The following DOK6 variants were observed in gnomAD, a reference collection of about 807,000 sequenced individuals.
DOK6 encodes the protein downstream of tyrosine kinase 6.
Under a neutral mutation model 44.0 loss-of-function variants are expected in DOK6, and 22 were observed. The ratio of observed to expected loss-of-function variants is 0.50; its 90% confidence interval spans 0.36 to 0.71. The LOEUF (loss-of-function observed/expected upper bound fraction) is 0.71, where lower values mean the gene tolerates loss of function less well. DOK6 is among the 30% of genes least tolerant of loss of function. DOK6 has a pLI of 0.00. For synonymous variants in DOK6, 166 were observed against 145.5 expected, an observed-to-expected ratio of 1.14 and a Z score of -1.01; for missense variants, 340 against 416.4, an observed-to-expected ratio of 0.82 and a Z score of 1.60.
intron 2 of DOK6, among the ~76,000 whole-genome samples, chr18:69,588,583 C>T (rs989989033): frequency 5.9e-5 from 9 of 152,096 alleles, no homozygotes; most frequent in African/African-American, 2.2e-4. Flanking sequence ...CTAAACTAAT[C>T]ACAGGCAAGG....
Position 69,739,108 on chromosome 18 carries a change from G to C in DOK6, c.738+5G>C. 6.2e-7 allele frequency: 1 copy of C among 1,613,698 alleles called. No individual in the cohort carries two copies. ...GAAATGGAACAGAAGGCCCGGGTAA[G>C]GCCCCTTCCTTGGTAACCTATCAGC... On this transcript the variant is annotated splice_donor_5th_base_variant and intron_variant, in intron 6 of 7. Coordinates refer to ENST00000382713, the MANE Select transcript of DOK6 (RefSeq NM_152721.6).
At chr18:69,647,060 T>TATCTATCTTTCTATCCC (rs1555719739) in intron 3 of DOK6, among the ~76,000 whole-genome samples, 1 of 137,446 alleles carries the variant, frequency 7.3e-6, no homozygotes, top group Non-Finnish European at 1.6e-5. Flanking sequence ...CTGTCTATCC[T>TATCTATCTTTCTATCCC]ATCTGTCTAT....
chr18:69,810,951 A>G (rs1044865258), intron 7 of DOK6, among the ~76,000 whole-genome samples: 1 of 152,132 alleles, frequency 6.6e-6, no homozygotes, highest in African/African-American at 2.4e-5. Context: ...AGTATTGGTT[A>G]TTTAGCCAAA....
At chr18:69,669,988 T>G (rs1229848928) in intron 3 of DOK6, among the ~76,000 whole-genome samples, 2 of 152,188 alleles carry the variant, frequency 1.3e-5, no homozygotes, top group Non-Finnish European at 1.5e-5. Flanking sequence ...GCACCACAAA[T>G]TTATTATCTT....
At chr18:69,718,732 A>G (rs917318784) in intron 5 of DOK6, among the ~76,000 whole-genome samples, 1 of 152,208 alleles carries the variant, frequency 6.6e-6, no homozygotes, top group Admixed American at 6.5e-5. Flanking sequence ...AATAAGCCTA[A>G]CAACATTCAC....
intron 7 of DOK6, among the ~76,000 whole-genome samples, chr18:69,828,560 A>G (rs1221123973): frequency 6.6e-6 from 1 of 151,826 alleles, no homozygotes; most frequent in Non-Finnish European, 1.5e-5. Context: ...TATTTTTATT[A>G]TGGAGAATTT....
chr18:69,633,584 G>A (rs1003314131), intron 3 of DOK6, among the ~76,000 whole-genome samples: 4 of 152,092 alleles, frequency 2.6e-5, no homozygotes, highest in Non-Finnish European at 2.9e-5. Context: ...TTCAAATTTA[G>A]TAAAACTAAT....
intron 4 of DOK6, among the ~76,000 whole-genome samples, chr18:69,689,569 G>A (rs1986221268): frequency 6.6e-6 from 1 of 152,086 alleles, no homozygotes; most frequent in East Asian, 1.9e-4. Context: ...TTATTGGTAA[G>A]GGATTTCTGG....
intron 7 of DOK6, among the ~76,000 whole-genome samples, chr18:69,832,066 T>C (rs7233462): frequency 0.016 from 2,403 of 152,282 alleles, 30 homozygotes; most frequent in Non-Finnish European, 0.023. Context: ...TCTGGTACTA[T>C]GTTGAATAAA....
chr18:69,485,590 C>G (rs139410058), intron 1 of DOK6, among the ~76,000 whole-genome samples: 1 of 152,068 alleles, frequency 6.6e-6, no homozygotes, highest in Non-Finnish European at 1.5e-5. Context: ...CCATTTTGTT[C>G]TAAGATCCTT....
intron 3 of DOK6, among the ~76,000 whole-genome samples, chr18:69,674,949 T>C (rs573941066): frequency 5.3e-5 from 8 of 152,248 alleles, no homozygotes; most frequent in African/African-American, 1.7e-4. Context: ...AGAATCTCTC[T>C]TCCTCTCTCT....
intron 6 of DOK6, among the ~76,000 whole-genome samples, chr18:69,739,624 T>C (rs1207381523): frequency 6.6e-6 from 1 of 152,186 alleles, no homozygotes; most frequent in African/African-American, 2.4e-5. Flanking sequence ...GGAACTGTAG[T>C]CCAGTTTTAG....
At chr18:69,531,157 C>T (rs1028532552) in intron 1 of DOK6, among the ~76,000 whole-genome samples, 2 of 150,598 alleles carry the variant, frequency 1.3e-5, no homozygotes, top group Non-Finnish European at 3.0e-5. Flanking sequence ...TGTCTCTGAA[C>T]GTGAGATGGA....
At chr18:69,662,706 A>G (rs144388134) in intron 3 of DOK6, 2 of 152,362 alleles carry the variant, frequency 1.3e-5, no homozygotes, top group Non-Finnish European at 2.9e-5. Context: ...CAGTTTTAAA[A>G]TCTGCACTTT....
intron 1 of DOK6, among the ~76,000 whole-genome samples, chr18:69,528,185 C>T (rs1981889450): frequency 6.8e-6 from 1 of 148,106 alleles, no homozygotes; most frequent in Admixed American, 6.8e-5. Flanking sequence ...AAAAAAGCTT[C>T]ACCTTACAGA....
At chr18:69,435,309 T>C (rs1293698664) in intron 1 of DOK6, among the ~76,000 whole-genome samples, 2 of 152,234 alleles carry the variant, frequency 1.3e-5, no homozygotes, top group African/African-American at 4.8e-5. Flanking sequence ...CTTTTAAGTT[T>C]ATTAATCATC....
chr18:69,670,027 T>C (rs1472227093), intron 3 of DOK6, among the ~76,000 whole-genome samples: 3 of 152,244 alleles, frequency 2.0e-5, no homozygotes, highest in South Asian at 2.1e-4. Context: ...AGTCCAACAC[T>C]GGTCCTCCTC....
chr18:69,729,958 A>T (rs910849771), intron 5 of DOK6, among the ~76,000 whole-genome samples: 1 of 152,172 alleles, frequency 6.6e-6, no homozygotes, highest in Non-Finnish European at 1.5e-5. Context: ...AAAGAAACAT[A>T]TGTTAAGATG....
chr18:69,683,025 G>A (rs767525855), intron 4 of DOK6, among the ~76,000 whole-genome samples: 1 of 152,120 alleles, frequency 6.6e-6, no homozygotes, highest in Non-Finnish European at 1.5e-5. Context: ...CTGTTTTGAG[G>A]ATTTTCCCCC....
Sources: allele counts gnomAD v4.1 joint callset (sites outside exome capture counted in the v4.1 genomes callset), GRCh38; gene constraint gnomAD v4.1.1; transcripts MANE v1.5; gene names NCBI Gene and HGNC (gene_info 2026-07-23, HGNC 2026-07-21).